The following SSBP4 variants were observed in gnomAD, a reference collection of about 807,000 sequenced individuals.
SSBP4 encodes single stranded DNA binding protein 4.
Under a neutral mutation model 64.6 loss-of-function variants are expected in SSBP4, and 33 were observed. The observed-to-expected ratio is 0.51, with a 90% CI of 0.39 to 0.68. The LOEUF (loss-of-function observed/expected upper bound fraction) is 0.68. Ranked by LOEUF, SSBP4 falls within the 30% of genes least tolerant of loss-of-function variation. The probability of loss-of-function intolerance (pLI) is 0.00; values close to 1 mark genes in which losing one functional copy is unlikely to be tolerated. For missense variants in SSBP4, 583 were observed against 566.8 expected, an observed-to-expected ratio of 1.03 and a Z score of -0.29; for synonymous variants, 243 against 224.0, an observed-to-expected ratio of 1.08 and a Z score of -0.76.
rs750022596 is a variant in SSBP4 at position 18,433,836 on chromosome 19, TC to T, written c.1128+27del. On this transcript the variant is annotated intron_variant, in intron 17 of 17. Transcript: ENST00000270061. ...CGAAAGCGTAAGCGACTGCGTCGAC[TC>T]CCCCCCCGCGGCGGCGTCGGGCCGG... 269 of 1,349,118 alleles carry T rather than the reference TC, an allele frequency of 2.0e-4. No homozygotes were observed. The highest frequency in any genetic ancestry group is 1.1e-3 in the South Asian group (67 of 62,176). 83.6% of individuals were successfully genotyped at this position (1,349,118 alleles called of 1,614,324 possible).
At chr19:18,428,797 G>A (rs1296833787) in intron 4 of SSBP4, among the ~76,000 whole-genome samples, 1 of 152,188 alleles carries the variant, frequency 6.6e-6, no homozygotes, top group African/African-American at 2.4e-5. Flanking sequence ...ATGAGAGCTG[G>A]GCAGGCTGAA....
intron 1 of SSBP4, among the ~76,000 whole-genome samples, chr19:18,421,456 C>T (rs1182444835): frequency 2.0e-5 from 3 of 152,204 alleles, no homozygotes; most frequent in South Asian, 2.1e-4. Context: ...CAGTGGGAAT[C>T]GGGATCGTTC....
At position 18,433,819 on chromosome 19, in the gene SSBP4, T is replaced by TAAGCGA. The variant is rs1274270091; in HGVS notation, c.1128+3_1128+8dup. The TAAGCGA allele has an allele frequency of 2.2e-6, 3 of 1,379,568 alleles. No individual in the cohort carries two copies. In the African/African-American group the frequency reaches 4.7e-5, roughly 22 times the overall value. The allele number at this position is 1,379,568 out of a possible 1,614,324, so 85.5% of individuals were successfully genotyped here. A position where few individuals can be genotyped will look rare whatever the true frequency, so the allele number is the denominator to read the frequency against. On this transcript the variant is annotated splice_region_variant and intron_variant, in intron 17 of 17. Coordinates refer to ENST00000270061, the MANE Select transcript of SSBP4 (RefSeq NM_032627.5). ...CTGCACCCGTTCCCGAGCGAAAGCG[T>TAAGCGA]AAGCGACTGCGTCGACTCCCCCCCC...
rs1401560269 is a variant in SSBP4, at chr19:18,419,551, G to A, written c.-98G>A. The A allele has an allele frequency of 1.7e-6, 2 of 1,154,766 alleles. No individual in the cohort carries two copies. Among genetic ancestry groups the A allele is most frequent in the African/African-American group, 3.3e-5 (2 of 60,886 alleles). 71.5% of individuals were successfully genotyped at this position (1,154,766 alleles called of 1,614,324 possible). A position where few individuals can be genotyped will look rare whatever the true frequency, so the allele number is the denominator to read the frequency against. On this transcript the variant is annotated 5_prime_UTR_variant, in exon 1 of 18. Coordinates refer to ENST00000270061, the MANE Select transcript of SSBP4 (RefSeq NM_032627.5). The stretch of plus-strand genomic sequence containing the variant: ...GCCGTGCCCGCCTGGGGCTCGGGGC[G>A]GTGAGGCCCGGGGCGCGGGGTAGCT...
Position 18,431,409 on chromosome 19 carries a change from T to C in SSBP4, c.426T>C (p.Pro142=). Residue 142 remains proline, a synonymous_variant, in exon 6 of 18, where the codon CCT becomes CCC. Transcript: ENST00000270061. ...ACCCCAACGCCCCCATGATGGGGCC[T>C]CACGGTCAGGTAAGGAGCTGTGGTG... ...PHNPNAPMMG[P]HGQPFMSPRF... is the part of the protein sequence containing the mutation. 6.9e-7 allele frequency: 1 copy of C among 1,452,928 alleles called. No individual in the cohort carries two copies. The highest frequency in any genetic ancestry group is 9.2e-7 in the Non-Finnish European group (1 of 1,086,328). The allele number at this position is 1,452,928 out of a possible 1,614,324, so 90.0% of individuals were successfully genotyped here. A position where few individuals can be genotyped will look rare whatever the true frequency, so the allele number is the denominator to read the frequency against.
intron 4 of SSBP4, among the ~76,000 whole-genome samples, chr19:18,429,104 C>T (rs932352364): frequency 6.7e-6 from 1 of 149,798 alleles, no homozygotes; most frequent in Admixed American, 6.6e-5. Context: ...CGCCCAAGCC[C>T]TGGGGTGACC....
At position 18,434,412 on chromosome 19, in the gene SSBP4, G is replaced by A. The variant is rs1453365510; in HGVS notation, c.*166G>A. The stretch of plus-strand genomic sequence containing the variant: ...AGACTCTTACCATTTTATTAAAAAC[G>A]CAAGGACCTCAGAGACGTTCTTTTC... On this transcript the variant is annotated 3_prime_UTR_variant, in exon 18 of 18. Coordinates refer to ENST00000270061, the MANE Select transcript of SSBP4 (RefSeq NM_032627.5). 30 of 1,270,698 alleles carry A rather than the reference G, an allele frequency of 2.4e-5. No homozygotes were observed. Among genetic ancestry groups the A allele is most frequent in the Admixed American group, 3.2e-5 (1 of 31,738 alleles). 78.7% of individuals were successfully genotyped at this position (1,270,698 alleles called of 1,614,324 possible).
At chr19:18,407,824 C>T in the SSBP4 span, among the ~76,000 whole-genome samples, 1 of 151,976 alleles carries the variant, frequency 6.6e-6, no homozygotes. Context: ...CTCACTGCAA[C>T]CTGCACCTCC....
upstream of SSBP4, chr19:18,418,835 C>A: frequency 2.5e-6 from 1 of 398,154 alleles, no homozygotes; most frequent in Non-Finnish European, 3.4e-6. The surrounding 1 kb of genome is among the most constrained non-coding windows in gnomAD (Gnocchi z 6.7). Flanking sequence ...TGCATAAGCG[C>A]GCGCCTGCGT....
intron 1 of SSBP4, chr19:18,425,889 G>A (rs1221930151): frequency 6.6e-6 from 1 of 152,458 alleles, no homozygotes; most frequent in East Asian, 1.9e-4. Context: ...AGCTGCCACA[G>A]AGCTCACCTC....
In SSBP4 at chr19:18,433,622, G is replaced by A; in HGVS notation, c.1020+9G>A. ...TGGACGGGTTGCCGAAGGTAAGGAG[G>A]CTGCGCTCTTGCCGGGGGTGGGATC... On this transcript the variant is annotated intron_variant, in intron 16 of 17. Coordinates refer to ENST00000270061, the MANE Select transcript of SSBP4 (RefSeq NM_032627.5). 6.8e-7 allele frequency: 1 copy of A among 1,480,770 alleles called. No individual in the cohort carries two copies. 91.7% of individuals were successfully genotyped at this position (1,480,770 alleles called of 1,614,324 possible).
At chr19:18,405,917 G>A in the SSBP4 span, among the ~76,000 whole-genome samples, 1 of 151,852 alleles carries the variant, frequency 6.6e-6, no homozygotes, top group Non-Finnish European at 1.5e-5. Context: ...TGTGCACCTG[G>A]GAGGCGGAGC....
chr19:18,408,496 A>ATTTT, the SSBP4 span, among the ~76,000 whole-genome samples: 21 of 144,582 alleles, frequency 1.5e-4, no homozygotes, highest in Non-Finnish European at 1.8e-4. Flanking sequence ...CAAGCCACCA[A>ATTTT]TTTTTTTTTT....
At chr19:18,403,902 A>G in the SSBP4 span, among the ~76,000 whole-genome samples, 1 of 151,946 alleles carries the variant, frequency 6.6e-6, no homozygotes, top group Non-Finnish European at 1.5e-5. Context: ...GAACTTTCAG[A>G]GGCCACCTCC....
chr19:18,402,818 CA>C, the SSBP4 span, among the ~76,000 whole-genome samples: 1 of 152,164 alleles, frequency 6.6e-6, no homozygotes, highest in African/African-American at 2.4e-5. Context: ...GATTTCTCCC[CA>C]TGGGATAGTC....
chr19:18,434,331 G>C lies in SSBP4; in HGVS notation c.*85G>C. The C allele has an allele frequency of 6.4e-7, 1 of 1,557,472 alleles. No individual in the cohort carries two copies. Among genetic ancestry groups the C allele is most frequent in the Non-Finnish European group, 8.7e-7 (1 of 1,152,832 alleles). ...GGGCGAGGGGCTGAGGTCACACCTC[G>C]GGCACCTGGACTCCTGGCCAATCAA... On this transcript the variant is annotated 3_prime_UTR_variant, in exon 18 of 18. Coordinates refer to ENST00000270061, the MANE Select transcript of SSBP4 (RefSeq NM_032627.5).
intron 17 of SSBP4, 145 bp from the exon 18 acceptor site, chr19:18,434,072 G>T: frequency 8.7e-7 from 1 of 1,151,316 alleles, no homozygotes; most frequent in Non-Finnish European, 1.1e-6. Context: ...CCCATGCATC[G>T]CCCCTCCCCC....
intron 1 of SSBP4, among the ~76,000 whole-genome samples, chr19:18,420,596 A>C (rs903736865): frequency 2.6e-5 from 4 of 152,110 alleles, no homozygotes; most frequent in Non-Finnish European, 5.9e-5. Context: ...GCGGTGGCTC[A>C]CGCCTGTAAT....
In SSBP4 at chr19:18,431,721, A is replaced by G. The variant is rs1043835035; in HGVS notation, c.495+15A>G. 7.1e-6 allele frequency: 11 copies of G among 1,546,886 alleles called. No individual in the cohort carries two copies. The African/African-American group carries it at 1.5e-4, about 21-fold the overall frequency. On this transcript the variant is annotated intron_variant, in intron 7 of 17. Transcript: ENST00000270061. ...TGCCGAGTCAGGTGAGAAAGGGATGAGGGGAGGGCGGGCAGGAGCTGGGCC... is the reference window on the plus strand; with the variant it reads ...TGCCGAGTCAGGTGAGAAAGGGATGGGGGGAGGGCGGGCAGGAGCTGGGCC...
Sources: allele counts gnomAD v4.1 joint callset (sites outside exome capture counted in the v4.1 genomes callset), GRCh38; gene constraint gnomAD v4.1.1; non-coding constraint Gnocchi (gnomAD v3.1); transcripts MANE v1.5; gene names NCBI Gene and HGNC (gene_info 2026-07-23, HGNC 2026-07-21).